Variants in MYH14 observed in about 807,000 individuals in gnomAD.
MYH14 encodes myosin-14.
In MYH14, 123 loss-of-function variants were observed where a neutral mutation model predicts 255.5. The observed-to-expected ratio is 0.48, with a 90% CI of 0.42 to 0.56. The LOEUF (loss-of-function observed/expected upper bound fraction) is 0.56, where lower values mean the gene tolerates loss of function less well. Ranked by LOEUF, MYH14 falls within the 20% of genes least tolerant of loss-of-function variation. The pLI, the probability that MYH14 is intolerant of heterozygous loss-of-function variation, is 0.00. For missense variants in MYH14, 2,423 were observed against 2,802.3 expected, an observed-to-expected ratio of 0.86 and a Z score of 3.06; for synonymous variants, 1,095 against 1,161.2, an observed-to-expected ratio of 0.94 and a Z score of 1.16.
In MYH14 at chr19:50,268,304, C is replaced by T. The variant is rs544003352; in HGVS notation, c.2970C>T (p.Gly990=). The change falls in exon 24 of 43, where the codon GGC becomes GGT. Residue 990 remains glycine, a synonymous_variant. Transcript: ENST00000642316. ...LVVSELEARV[G]EEEECSRQMQ... Reference sequence around the variant, plus strand: ...TGTCAGAGCTGGAGGCTCGCGTGGGCGAGGAGGAGGAGTGCAGCCGTCAAA... The same window carrying T: ...TGTCAGAGCTGGAGGCTCGCGTGGGTGAGGAGGAGGAGTGCAGCCGTCAAA... 26 of 1,588,000 alleles carry T rather than the reference C, an allele frequency of 1.6e-5. No individual in the cohort carries two copies. Among genetic ancestry groups the T allele is most frequent in the Non-Finnish European group, 2.1e-5 (24 of 1,168,598 alleles).
At chr19:50,215,368 A>C (rs1002912946) in intron 2 of MYH14, among the ~76,000 whole-genome samples, 9 of 152,178 alleles carry the variant, frequency 5.9e-5, no homozygotes, top group African/African-American at 2.2e-4. Flanking sequence ...CCTTTCAGGC[A>C]GGGAGGGCAG....
At chr19:50,211,399 T>G (rs2032188499) in intron 2 of MYH14, among the ~76,000 whole-genome samples, 1 of 152,178 alleles carries the variant, frequency 6.6e-6, no homozygotes, top group African/African-American at 2.4e-5. Flanking sequence ...ATTAATTCAT[T>G]CAATCTCACC....
At chr19:50,208,150 C>T (rs1052709159) in intron 1 of MYH14, among the ~76,000 whole-genome samples, 3 of 152,180 alleles carry the variant, frequency 2.0e-5, no homozygotes, top group Admixed American at 6.5e-5. Context: ...CATGGTGGCT[C>T]GTGCCTGTAA....
At position 50,244,256 on chromosome 19, in the gene MYH14, G is replaced by A; in HGVS notation, c.1129G>A (p.Val377Ile). The A allele has an allele frequency of 1.2e-6, 2 of 1,613,910 alleles. No homozygotes were observed. The highest frequency in any genetic ancestry group is 1.7e-6 in the Non-Finnish European group (2 of 1,179,840). ...HEEIISMLRMVSAVLQFGNIA... is the reference protein window; with the variant it reads ...HEEIISMLRMISAVLQFGNIA... ...TGCGTCCCCAGCCATGCTGCGGATG[G>A]TCTCAGCAGTTCTCCAGTTTGGCAA... Residue 377 changes from valine to isoleucine, a missense_variant, in exon 11 of 43, where the codon GTC becomes ATC. Val to Ile is a conservative substitution (Grantham distance 29). Around this residue, in one of 3 missense-constraint regions of MYH14, gnomAD observed 672 missense variants for 881.8 expected, o/e 0.76. Coordinates refer to ENST00000642316, the MANE Select transcript of MYH14 (RefSeq NM_001145809.2).
At chr19:50,243,465 C>A (rs1017471664) in intron 10 of MYH14, among the ~76,000 whole-genome samples, 1 of 151,856 alleles carries the variant, frequency 6.6e-6, no homozygotes, top group Non-Finnish European at 1.5e-5. Flanking sequence ...ACTTATTGAT[C>A]GGTTGGTGAA....
chr19:50,255,177 C>T lies in MYH14; in HGVS notation c.1946-43C>T, dbSNP rs369624425. 46 of 1,296,740 alleles carry T rather than the reference C, an allele frequency of 3.5e-5. 1 individual carries two copies. The African/African-American group carries it at 6.3e-4, about 18-fold the overall frequency. 80.3% of individuals were successfully genotyped at this position (1,296,740 alleles called of 1,614,324 possible). A position where few individuals can be genotyped will look rare whatever the true frequency, so the allele number is the denominator to read the frequency against. ...GCATCTCTCTCCGCCATCTCTCTGCCATCTCCCCTCCACCCACCCACACAT... is the reference window on the plus strand; with the variant it reads ...GCATCTCTCTCCGCCATCTCTCTGCTATCTCCCCTCCACCCACCCACACAT... On this transcript the variant is annotated intron_variant, in intron 16 of 42. Coordinates refer to ENST00000642316, the MANE Select transcript of MYH14 (RefSeq NM_001145809.2).
At chr19:50,304,537 C>T (rs138915254) in intron 40 of MYH14, among the ~76,000 whole-genome samples, 2,411 of 152,248 alleles carry the variant, frequency 0.016, 30 homozygotes, top group Admixed American at 0.022. Context: ...TTGCAGTGAG[C>T]CGAGATCACA....
chr19:50,220,957 A>C (rs1179084060), intron 3 of MYH14, among the ~76,000 whole-genome samples: 1 of 152,154 alleles, frequency 6.6e-6, no homozygotes, highest in Non-Finnish European at 1.5e-5. Context: ...CAGGTCTATC[A>C]GTTTCTGCTG....
chr19:50,224,064 A>T, intron 5 of MYH14, 90 bp from the exon 6 acceptor site: 14 of 419,812 alleles, frequency 3.3e-5, no homozygotes, highest in South Asian at 6.1e-5. Context: ...CCCCCATGCC[A>T]CCACCTGAGA....
intron 17 of MYH14, 114 bp from the exon 18 acceptor site, chr19:50,257,185 C>T: frequency 2.5e-6 from 2 of 794,376 alleles, no homozygotes; most frequent in Admixed American, 2.8e-5. Flanking sequence ...TGTGTGAGGT[C>T]CTTCATATGT....
chr19:50,268,957 G>T (rs932344463), intron 24 of MYH14, among the ~76,000 whole-genome samples: 10 of 152,150 alleles, frequency 6.6e-5, no homozygotes, highest in African/African-American at 2.2e-4. Context: ...CAATTCAGAT[G>T]CTAAATTTTC....
At chr19:50,271,388 C>T (rs1169951116) in intron 24 of MYH14, 21 bp from the exon 25 acceptor site, 1 of 1,591,528 alleles carries the variant, frequency 6.3e-7, no homozygotes, top group South Asian at 1.1e-5. Context: ...TATCCTCACT[C>T]CTCCTGCCTT....
At chr19:50,251,547 C>T (rs1389734327) in intron 15 of MYH14, among the ~76,000 whole-genome samples, 15 of 137,392 alleles carry the variant, frequency 1.1e-4, no homozygotes, top group African/African-American at 3.4e-4. Context: ...CACACACACA[C>T]ACACACACAC....
At chr19:50,299,239 C>T (rs1044048649) in intron 39 of MYH14, among the ~76,000 whole-genome samples, 2 of 152,112 alleles carry the variant, frequency 1.3e-5, no homozygotes, top group Non-Finnish European at 2.9e-5. Flanking sequence ...GAGAGGAACT[C>T]TACAAGGCTA....
intron 10 of MYH14, among the ~76,000 whole-genome samples, chr19:50,241,263 C>A (rs1299713836): frequency 6.6e-6 from 1 of 151,996 alleles, no homozygotes; most frequent in African/African-American, 2.4e-5. Flanking sequence ...GATGAAACCC[C>A]GTCTCTACTA....
intron 1 of MYH14, among the ~76,000 whole-genome samples, chr19:50,207,431 G>A (rs2031872080): frequency 6.6e-6 from 1 of 152,034 alleles, no homozygotes; most frequent in African/African-American, 2.4e-5. Flanking sequence ...CCCGCTGGAT[G>A]GTGGGAGGGG....
At chr19:50,213,049 A>C (rs764878796) in intron 2 of MYH14, among the ~76,000 whole-genome samples, 2 of 152,114 alleles carry the variant, frequency 1.3e-5, no homozygotes, top group African/African-American at 2.4e-5. Context: ...ACCTCCTGGG[A>C]TCAAGCAACT....
intron 7 of MYH14, 73 bp downstream of exon 7, chr19:50,225,750 G>A: frequency 8.5e-7 from 1 of 1,179,892 alleles, no homozygotes; most frequent in Non-Finnish European, 1.3e-6. Flanking sequence ...TGGGCTTCAG[G>A]GGGAAAGACA....
Position 50,207,256 on chromosome 19 carries a change from AAAGAGAGAGAGAGACAGAGAGAGAGAG to A in MYH14, c.-3-3105_-3-3079del, listed in dbSNP as rs2031826569. 5.9e-5 allele frequency among the ~76,000 whole-genome samples: 8 copies of A among 135,724 alleles called. No individual in the cohort carries two copies. The East Asian group carries it at 6.6e-4, about 11-fold the overall frequency. 89.0% of individuals were successfully genotyped at this position (135,724 alleles called of 152,430 possible). ...AGAAAAAAGAGAGAGAGAGAGAGAG[AAAGAGAGAGAGAGACAGAGAGAGAGAG>A]AGAGAGAGAGAGAGAGAGAGAGAGA... On this transcript the variant is annotated intron_variant, in intron 1 of 42. Coordinates refer to ENST00000642316, the MANE Select transcript of MYH14 (RefSeq NM_001145809.2).
Sources: allele counts gnomAD v4.1 joint callset (sites outside exome capture counted in the v4.1 genomes callset), GRCh38; gene constraint gnomAD v4.1.1; regional missense constraint gnomAD v4.1.1; transcripts MANE v1.5; gene names NCBI Gene and HGNC (gene_info 2026-07-23, HGNC 2026-07-21).